The following SYT14 variants were observed in gnomAD, a reference collection of about 807,000 sequenced individuals.
SYT14 encodes the protein synaptotagmin 14, also known as synaptotagmin-14.
A neutral mutation model predicts 74.2 loss-of-function variants in SYT14; 32 were observed. The observed-to-expected ratio is 0.43, with a 90% CI of 0.33 to 0.58. The LOEUF is 0.58. SYT14 is among the 20% of genes least tolerant of loss of function. The pLI, the probability that SYT14 is intolerant of heterozygous loss-of-function variation, is 0.05. For missense variants in SYT14, 791 were observed against 981.8 expected (o/e 0.81, Z 2.60); for synonymous variants, 298 against 337.7 (o/e 0.88, Z 1.29).
exon 10 of SYT14, chr1:210,162,316 A>G (rs1421068151): frequency 2.2e-6 from 1 of 446,582 alleles, no homozygotes; most frequent in African/African-American, 2.0e-5. Flanking sequence ...ATAAATGTAA[A>G]GATTCCTCAG....
At chr1:210,068,531 C>T (rs1056002149) in intron 5 of SYT14, among the ~76,000 whole-genome samples, 13 of 151,370 alleles carry the variant, frequency 8.6e-5, no homozygotes, top group Non-Finnish European at 1.8e-4. Context: ...TTGTATCTTA[C>T]GAGTTTTTTT....
chr1:209,955,533 G>A (rs566511815), intron 2 of SYT14, among the ~76,000 whole-genome samples: 2 of 151,614 alleles, frequency 1.3e-5, no homozygotes, highest in East Asian at 1.9e-4. Flanking sequence ...CTAGTTCTCT[G>A]TGTTTTTTCC....
At chr1:209,952,791 A>G (rs1375314896) in intron 2 of SYT14, 35 bp downstream of exon 2, 1 of 1,548,950 alleles carries the variant, frequency 6.5e-7, no homozygotes, top group Non-Finnish European at 8.9e-7. Flanking sequence ...TTTACATACT[A>G]AATGAATACT....
chr1:210,063,986 A>G (rs551264065), intron 5 of SYT14, among the ~76,000 whole-genome samples: 2 of 152,004 alleles, frequency 1.3e-5, no homozygotes, highest in Non-Finnish European at 1.5e-5. Context: ...CTAGCTGACA[A>G]TGCTTTCATA....
At position 210,068,790 on chromosome 1, in the gene SYT14, G is replaced by T. The variant is rs970461455; in HGVS notation, c.1313-25532G>T. Among the ~76,000 whole-genome samples the T allele has an allele frequency of 7.3e-5, 11 of 151,476 alleles. No individual in the cohort carries two copies. The East Asian group carries it at 2.1e-3, about 29-fold the overall frequency. On this transcript the variant is annotated intron_variant, in intron 5 of 9. Transcript: ENST00000637265. ...TTTGTTAATCCTCTCTATAGAATTG[G>T]TTTTTTAAAAATTTTATTCTATCTA...
At chr1:210,169,207 T>C (rs1263106094) in exon 10 of SYT14, 3 of 150,416 alleles carry the variant, frequency 2.0e-5, no homozygotes, top group Non-Finnish European at 4.4e-5. Flanking sequence ...TTTTTTGGTT[T>C]TTATGTTTTT....
intron 2 of SYT14, among the ~76,000 whole-genome samples, chr1:209,968,979 T>C (rs975483109): frequency 1.3e-5 from 2 of 152,140 alleles, no homozygotes; most frequent in Admixed American, 6.5e-5. Context: ...CTCCCACTTA[T>C]AAGTGAGAAT....
intron 7 of SYT14, among the ~76,000 whole-genome samples, chr1:210,115,968 C>T (rs918371291): frequency 6.0e-5 from 9 of 150,326 alleles, no homozygotes; most frequent in Admixed American, 2.0e-4. Context: ...AGGGGTGGGC[C>T]GTTTTATAGG....
intron 5 of SYT14, among the ~76,000 whole-genome samples, chr1:210,032,743 T>TG (rs1553268544): frequency 1.3e-5 from 2 of 150,568 alleles, no homozygotes; most frequent in African/African-American, 4.9e-5. Context: ...TCAATTCTGT[T>TG]TTTTTATTTA....
At chr1:210,148,434 G>T (rs540530805) in intron 7 of SYT14, among the ~76,000 whole-genome samples, 2 of 151,836 alleles carry the variant, frequency 1.3e-5, no homozygotes, top group African/African-American at 4.8e-5. Flanking sequence ...GTGTGAACCC[G>T]GGAGGCGGAG....
At chr1:210,043,500 G>A (rs184189396) in intron 5 of SYT14, among the ~76,000 whole-genome samples, 2 of 152,198 alleles carry the variant, frequency 1.3e-5, no homozygotes, top group Admixed American at 1.3e-4. Context: ...GGAAAATGTT[G>A]TTATGGTAAT....
chr1:210,162,850 G>C (rs1403589011), exon 10 of SYT14: 5 of 453,384 alleles, frequency 1.1e-5, no homozygotes. Context: ...TGGATGACAT[G>C]AGGTTTGAGA....
At chr1:210,033,198 A>G (rs913588652) in intron 5 of SYT14, among the ~76,000 whole-genome samples, 4 of 151,888 alleles carry the variant, frequency 2.6e-5, no homozygotes, top group Admixed American at 2.6e-4. Context: ...ACTGAATGCA[A>G]ATTTTATTGG....
intron 2 of SYT14, among the ~76,000 whole-genome samples, chr1:209,966,827 C>T (rs895874177): frequency 2.6e-5 from 4 of 152,050 alleles, no homozygotes; most frequent in Admixed American, 6.6e-5. Context: ...CTTTTTCCTG[C>T]CTTATTTCAC....
chr1:210,101,545 G>A (rs188831297), intron 7 of SYT14, among the ~76,000 whole-genome samples: 3 of 152,100 alleles, frequency 2.0e-5, no homozygotes, highest in Admixed American at 2.0e-4. Context: ...ATATTCATAT[G>A]GGTTTCTAGG....
At chr1:210,143,487 C>T (rs1049874225) in intron 7 of SYT14, among the ~76,000 whole-genome samples, 1 of 151,804 alleles carries the variant, frequency 6.6e-6, no homozygotes, top group Non-Finnish European at 1.5e-5. Flanking sequence ...CATTTGCTCC[C>T]GTTTGTTTAT....
At chr1:210,058,839 A>G (rs1231757856) in intron 5 of SYT14, among the ~76,000 whole-genome samples, 1 of 152,206 alleles carries the variant, frequency 6.6e-6, no homozygotes, top group Non-Finnish European at 1.5e-5. Context: ...GAATGAAGTC[A>G]TTCAAGGTGC....
intron 2 of SYT14, among the ~76,000 whole-genome samples, chr1:210,006,870 C>T (rs2079996881): frequency 6.6e-6 from 1 of 151,498 alleles, no homozygotes; most frequent in Non-Finnish European, 1.5e-5. Context: ...AGATAAATAT[C>T]CCCCATATAT....
At chr1:210,001,458 G>A (rs1196238022) in intron 2 of SYT14, among the ~76,000 whole-genome samples, 8 of 151,836 alleles carry the variant, frequency 5.3e-5, no homozygotes, top group Admixed American at 4.6e-4. Context: ...TTGGGTTTTA[G>A]TATTTATATT....
Sources: gnomAD v4.1 joint callset for allele counts (sites outside exome capture counted in the v4.1 genomes callset) on GRCh38, gnomAD v4.1.1 for gene constraint, MANE v1.5 for transcripts, NCBI Gene and HGNC (gene_info 2026-07-23, HGNC 2026-07-21) for gene names.